Variants in HERC3 observed in about 807,000 individuals in gnomAD.
HERC3 encodes the protein probable E3 ubiquitin-protein ligase HERC3.
HERC3 carries 58 observed loss-of-function variants against 129.9 expected under a neutral mutation model. That is an observed-to-expected ratio of 0.45 (90% CI 0.36 to 0.56). The LOEUF (loss-of-function observed/expected upper bound fraction) is 0.56. HERC3 is among the 20% of genes least tolerant of loss of function. The pLI is 0.00. For synonymous variants in HERC3, 430 were observed against 451.0 expected, an observed-to-expected ratio of 0.95 and a Z score of 0.59; for missense variants, 835 against 1,244.2, an observed-to-expected ratio of 0.67 and a Z score of 4.95.
the HERC3 span, among the ~76,000 whole-genome samples, chr4:88,576,085 C>A: frequency 2.6e-5 from 4 of 152,148 alleles, no homozygotes; most frequent in Non-Finnish European, 5.9e-5. Flanking sequence ...TTTTCCCACT[C>A]CCAACCCTCT....
chr4:88,604,912 C>T (rs954442129), intron 2 of HERC3, among the ~76,000 whole-genome samples: 3 of 152,090 alleles, frequency 2.0e-5, no homozygotes, highest in Admixed American at 1.3e-4. Flanking sequence ...ACCTGGCCAT[C>T]ATTGTGGTGT....
rs191433304 is a variant in HERC3 at position 88,658,064 on chromosome 4, C to T, written c.1070-351C>T. ...GATTCGTCCTGACGGGGCCTGGGCCCACCACACTCACATGCTGAATTGTTA... is the reference window on the plus strand; with the variant it reads ...GATTCGTCCTGACGGGGCCTGGGCCTACCACACTCACATGCTGAATTGTTA... On this transcript the variant is annotated intron_variant, in intron 9 of 25. Transcript: ENST00000402738. Among the ~76,000 whole-genome samples the T allele has an allele frequency of 7.2e-5, 11 of 152,300 alleles. No individual in the cohort carries two copies. The East Asian group carries it at 2.1e-3, about 29-fold the overall frequency.
chr4:88,528,046 G>T, the HERC3 span: 6 of 294,922 alleles, frequency 2.0e-5, no homozygotes, highest in Non-Finnish European at 4.1e-5. Flanking sequence ...GTAGTTTCAC[G>T]CCAATTTCCT....
Position 88,664,073 on chromosome 4 carries a change from G to A in HERC3, c.1272-80G>A, listed in dbSNP as rs189511205. On this transcript the variant is annotated intron_variant, in intron 11 of 25. Coordinates refer to ENST00000402738, the MANE Select transcript of HERC3 (RefSeq NM_014606.3). ...TATTAATGAAATCCTTGAGTAGATG[G>A]TTACTTTATTATTGATGCTTAAATA... 4.7e-4 allele frequency: 560 copies of A among 1,185,080 alleles called. 1 individual carries two copies. Among genetic ancestry groups the A allele is most frequent in the Non-Finnish European group, 5.3e-4 (444 of 836,564 alleles). The allele number at this position is 1,185,080 out of a possible 1,614,324, so 73.4% of individuals were successfully genotyped here.
At position 88,644,479 on chromosome 4, in the gene HERC3, A is replaced by G. The variant is rs569058473; in HGVS notation, c.227-5361A>G. On this transcript the variant is annotated intron_variant, in intron 3 of 25. Transcript: ENST00000402738. The stretch of plus-strand genomic sequence containing the variant: ...AACCACTTAATTGAATCTCAGAGGC[A>G]TTATGAGTAAAACAATCCAGTTTCA... Among the ~76,000 whole-genome samples, 15 of 152,350 alleles carry G rather than the reference A, an allele frequency of 9.8e-5. No individual in the cohort carries two copies. In the South Asian group the frequency reaches 2.7e-3, roughly 27 times the overall value.
chr4:88,607,637 A>C (rs986170919), intron 3 of HERC3, among the ~76,000 whole-genome samples: 2 of 151,862 alleles, frequency 1.3e-5, no homozygotes, highest in African/African-American at 4.8e-5. Context: ...CTAATTTTTT[A>C]ATTTTTGTTT....
intron 22 of HERC3, 48 bp from the exon 23 acceptor site, chr4:88,687,169 G>T (rs201121777): frequency 7.0e-7 from 1 of 1,427,106 alleles, no homozygotes; most frequent in East Asian, 2.3e-5. Flanking sequence ...CTAGAAAGAT[G>T]AATGGTTAAC....
chr4:88,688,872 G>A (rs1175483032), intron 23 of HERC3, among the ~76,000 whole-genome samples: 2 of 152,134 alleles, frequency 1.3e-5, no homozygotes, highest in East Asian at 3.9e-4. Flanking sequence ...ATAAAATGCA[G>A]ACTCTTGAGG....
intron 16 of HERC3, among the ~76,000 whole-genome samples, chr4:88,673,491 T>A (rs968536295): frequency 3.3e-5 from 5 of 152,300 alleles, no homozygotes; most frequent in Middle Eastern, 6.8e-3. Context: ...GCAGCCCCGT[T>A]TCAGGCAGGG....
intron 3 of HERC3, among the ~76,000 whole-genome samples, chr4:88,612,076 A>G (rs1163614197): frequency 1.3e-5 from 2 of 152,310 alleles, no homozygotes; most frequent in Admixed American, 6.5e-5. Context: ...TGCAAGGCAC[A>G]TCAATTCATT....
chr4:88,568,071 G>A, the HERC3 span, among the ~76,000 whole-genome samples: 1 of 152,244 alleles, frequency 6.6e-6, no homozygotes, highest in Non-Finnish European at 1.5e-5. Context: ...TGTAAGATAA[G>A]AGAGAATTTC....
At chr4:88,691,539 G>A (rs1314797711) in intron 23 of HERC3, among the ~76,000 whole-genome samples, 1 of 152,206 alleles carries the variant, frequency 6.6e-6, no homozygotes, top group Non-Finnish European at 1.5e-5. Flanking sequence ...GGAGAGCAGC[G>A]TTGGGAAGCA....
chr4:88,641,146 G>A (rs1365017848), intron 3 of HERC3, among the ~76,000 whole-genome samples: 2 of 152,068 alleles, frequency 1.3e-5, no homozygotes, highest in Admixed American at 1.3e-4. Flanking sequence ...ATTAATAGGA[G>A]AAAAATAACA....
the HERC3 span, among the ~76,000 whole-genome samples, chr4:88,538,944 C>G: frequency 6.6e-6 from 1 of 152,140 alleles, no homozygotes; most frequent in Non-Finnish European, 1.5e-5. Context: ...GTCCTATCTC[C>G]ACTTGCTTCC....
chr4:88,612,084 A>AT (rs1364792444), intron 3 of HERC3, among the ~76,000 whole-genome samples: 10 of 152,116 alleles, frequency 6.6e-5, no homozygotes, highest in Non-Finnish European at 1.3e-4. Context: ...ACATCAATTC[A>AT]TTTTTTTGGG....
At chr4:88,563,394 T>G in the HERC3 span, among the ~76,000 whole-genome samples, 27 of 152,198 alleles carry the variant, frequency 1.8e-4, no homozygotes, top group African/African-American at 6.3e-4. Context: ...TGCTGATAGT[T>G]TTTTGGTGGA....
intron 3 of HERC3, among the ~76,000 whole-genome samples, chr4:88,615,178 G>A (rs958833512): frequency 1.3e-5 from 2 of 152,104 alleles, no homozygotes; most frequent in South Asian, 2.1e-4. Context: ...CTGAATTTTT[G>A]TGTTACAATA....
chr4:88,705,949 G>C (rs1735741714), intron 25 of HERC3, among the ~76,000 whole-genome samples: 1 of 152,214 alleles, frequency 6.6e-6, no homozygotes. Flanking sequence ...AGAAGCAGTA[G>C]TGGAAGAGCT....
intron 3 of HERC3, among the ~76,000 whole-genome samples, chr4:88,621,188 C>T (rs1477356713): frequency 6.6e-6 from 1 of 152,072 alleles, no homozygotes; most frequent in Admixed American, 6.5e-5. Context: ...CTCACTGCCA[C>T]CTCCACCTCC....
Sources: allele counts gnomAD v4.1 joint callset (sites outside exome capture counted in the v4.1 genomes callset), GRCh38; gene constraint gnomAD v4.1.1; transcripts MANE v1.5; gene names NCBI Gene and HGNC (gene_info 2026-07-23, HGNC 2026-07-21).